Variants in PCDH15 observed in about 807,000 individuals in gnomAD.
PCDH15 encodes the protein protocadherin related 15.
Under a neutral mutation model 178.5 loss-of-function variants are expected in PCDH15, and 129 were observed. The observed-to-expected ratio is 0.72, with a 90% CI of 0.63 to 0.84. The LOEUF is 0.84. Among genes scored for constraint, PCDH15 ranks in the 40% least tolerant of loss-of-function variants. PCDH15 has a pLI of 0.00. For synonymous variants in PCDH15, 800 were observed against 732.0 expected, an observed-to-expected ratio of 1.09 and a Z score of -1.50; for missense variants, 2,230 against 2,099.9, an observed-to-expected ratio of 1.06 and a Z score of -1.21.
chr10:55,100,893 G>C (rs1239181303), intron 2 of PCDH15, among the ~76,000 whole-genome samples: 1 of 152,084 alleles, frequency 6.6e-6, no homozygotes, highest in Admixed American at 6.6e-5. Flanking sequence ...TCTGGAATAA[G>C]GGAAGTAGGA....
At chr10:55,245,168 A>C (rs1252241418) in intron 1 of PCDH15, among the ~76,000 whole-genome samples, 1 of 152,140 alleles carries the variant, frequency 6.6e-6, no homozygotes, top group African/African-American at 2.4e-5. Flanking sequence ...TAAAAATAGA[A>C]GTTACTGCTT....
rs1370415465 is a variant in PCDH15, at chr10:55,334,256, G to A, written c.-155-167605C>T. On this transcript the variant is annotated intron_variant, in intron 2 of 5. Coordinates refer to the PCDH15 transcript ENST00000613346. ...TATATATATATATGTGTGTGTGTGT[G>A]TGTGTGTGTGTGTGTGTGTGTGTGT... Among the ~76,000 whole-genome samples, 277 of 116,206 alleles carry A rather than the reference G, an allele frequency of 2.4e-3. 4 individuals are homozygous for A. Among genetic ancestry groups the A allele is most frequent in the Admixed American group, 0.013 (151 of 12,048 alleles). The allele number at this position is 116,206 out of a possible 152,430, so 76.2% of individuals were successfully genotyped here. A position where few individuals can be genotyped will look rare whatever the true frequency, so the allele number is the denominator to read the frequency against.
intron 9 of PCDH15, among the ~76,000 whole-genome samples, chr10:54,231,520 T>C (rs778722058): frequency 6.6e-6 from 1 of 152,230 alleles, no homozygotes. Context: ...GAGTTCCCAC[T>C]GGGGCACTGC....
intron 2 of PCDH15, among the ~76,000 whole-genome samples, chr10:55,158,685 G>A (rs572618762): frequency 1.4e-3 from 151 of 110,896 alleles, no homozygotes; most frequent in African/African-American, 4.3e-3. Context: ...GATTCAATTT[G>A]TTCTAAGTAA....
intron 2 of PCDH15, among the ~76,000 whole-genome samples, chr10:55,392,705 A>G (rs543521162): frequency 6.6e-6 from 1 of 152,304 alleles, no homozygotes; most frequent in South Asian, 2.1e-4. Flanking sequence ...GCTGATATAA[A>G]ATATATTGTA....
intron 1 of PCDH15, among the ~76,000 whole-genome samples, chr10:54,796,390 C>T (rs544586047): frequency 9.9e-5 from 15 of 151,608 alleles, no homozygotes; most frequent in Non-Finnish European, 1.5e-5. Flanking sequence ...CTGTCTCAGT[C>T]TCCCTTTCTG....
At chr10:54,500,944 T>C (rs1209296058) in intron 3 of PCDH15, among the ~76,000 whole-genome samples, 2 of 152,022 alleles carry the variant, frequency 1.3e-5, no homozygotes, top group East Asian at 3.9e-4. Flanking sequence ...TGCAGGGACA[T>C]AGATGAAGCT....
chr10:54,554,114 T>C (rs778070597), intron 2 of PCDH15, among the ~76,000 whole-genome samples: 5 of 152,164 alleles, frequency 3.3e-5, no homozygotes, highest in Non-Finnish European at 5.9e-5. Context: ...CCTATTACAA[T>C]GTGAACTTAA....
At chr10:55,128,227 C>A (rs576515434) in intron 2 of PCDH15, among the ~76,000 whole-genome samples, 1 of 152,074 alleles carries the variant, frequency 6.6e-6, no homozygotes, top group African/African-American at 2.4e-5. Flanking sequence ...TTCCTTACTA[C>A]CATCCTTTTT....
intron 1 of PCDH15, among the ~76,000 whole-genome samples, chr10:55,304,708 G>T (rs1243134160): frequency 6.6e-6 from 1 of 152,156 alleles, no homozygotes; most frequent in African/African-American, 2.4e-5. Context: ...GAGCTACTCA[G>T]TTTGAACTAA....
At chr10:54,733,002 A>T (rs1057188344) in intron 1 of PCDH15, among the ~76,000 whole-genome samples, 3 of 151,606 alleles carry the variant, frequency 2.0e-5, no homozygotes, top group Non-Finnish European at 3.0e-5. Flanking sequence ...TCAGTAAACT[A>T]TAAGTACTTC....
upstream of PCDH15, among the ~76,000 whole-genome samples, chr10:54,804,761 C>T (rs2133720994): frequency 1.3e-5 from 2 of 151,524 alleles, no homozygotes; most frequent in South Asian, 2.1e-4. Context: ...AAATTAGCTA[C>T]ATCCTACACA....
chr10:55,359,775 T>A (rs183115751), intron 2 of PCDH15, among the ~76,000 whole-genome samples: 53 of 147,390 alleles, frequency 3.6e-4, no homozygotes, highest in African/African-American at 1.2e-3. Flanking sequence ...CACACACATA[T>A]ATATATATAA....
intron 8 of PCDH15, among the ~76,000 whole-genome samples, chr10:54,245,971 A>T (rs995998885): frequency 6.6e-6 from 1 of 152,112 alleles, no homozygotes; most frequent in Non-Finnish European, 1.5e-5. Flanking sequence ...CTGATGAATT[A>T]TCACAATGTT....
intron 8 of PCDH15, among the ~76,000 whole-genome samples, chr10:54,287,492 G>C (rs760390292): frequency 2.6e-5 from 4 of 152,270 alleles, no homozygotes; most frequent in Admixed American, 6.5e-5. Flanking sequence ...TGGTGGGCCA[G>C]GAGTCCTGCC....
chr10:54,051,480 G>A (rs1168079162), intron 18 of PCDH15, among the ~76,000 whole-genome samples: 1 of 152,126 alleles, frequency 6.6e-6, no homozygotes, highest in Admixed American at 6.5e-5. Context: ...TAGAGTAAAT[G>A]TCGCTCCTGC....
At chr10:54,618,040 T>C (rs560086279) in intron 2 of PCDH15, among the ~76,000 whole-genome samples, 1 of 152,184 alleles carries the variant, frequency 6.6e-6, no homozygotes, top group South Asian at 2.1e-4. Flanking sequence ...GTTTTCAAGA[T>C]ATATTAGAAG....
chr10:55,580,838 T>C (rs982529850), intron 2 of PCDH15, among the ~76,000 whole-genome samples: 2 of 152,206 alleles, frequency 1.3e-5, no homozygotes, highest in Non-Finnish European at 2.9e-5. Flanking sequence ...TCCTGAGGAA[T>C]GTTGTACTGG....
intron 1 of PCDH15, among the ~76,000 whole-genome samples, chr10:55,237,882 G>T (rs1452846784): frequency 6.6e-6 from 1 of 151,538 alleles, no homozygotes; most frequent in African/African-American, 2.4e-5. Context: ...TAATATTCAG[G>T]ATGTACAATA....
Sources: gnomAD v4.1 joint callset for allele counts (sites outside exome capture counted in the v4.1 genomes callset) on GRCh38, gnomAD v4.1.1 for gene constraint, MANE v1.5 for transcripts, NCBI Gene and HGNC (gene_info 2026-07-23, HGNC 2026-07-21) for gene names.